HCN1: variants seen among roughly 807,000 people sequenced by gnomAD.
HCN1 encodes potassium/sodium hyperpolarization-activated cyclic nucleotide-gated channel 1.
A neutral mutation model predicts 78.9 loss-of-function variants in HCN1; 13 were observed. The ratio of observed to expected loss-of-function variants is 0.16; its 90% CI spans 0.11 to 0.26. The LOEUF (loss-of-function observed/expected upper bound fraction) is 0.26, where lower values mean the gene tolerates loss of function less well. Among genes scored for constraint, HCN1 ranks in the 10% least tolerant of loss-of-function variants. The pLI, the probability that HCN1 is intolerant of heterozygous loss-of-function variation, is 1.00. For missense variants in HCN1, 810 were observed against 1,154.3 expected (o/e 0.70, Z 4.32); for synonymous variants, 552 against 455.5 (o/e 1.21, Z -2.70).
At position 45,575,445 on chromosome 5, in the gene HCN1, G is replaced by A. The variant is rs551530001; in HGVS notation, c.849+69740C>T. 5 of 152,192 alleles carry A rather than the reference G, an allele frequency of 3.3e-5. No homozygotes were observed. The East Asian group carries it at 9.7e-4, about 29-fold the overall frequency. The allele number at this position is 152,192 out of a possible 1,614,324, so 9.4% of individuals were successfully genotyped here. ...GGGACTGTTGTGGTGGGGGCGGGGA[G>A]GGATAGCATTAGGAGATGTACCTAA... On this transcript the variant is annotated intron_variant, in intron 2 of 7. Transcript: ENST00000303230.
intron 3 of HCN1, 64 bp from the exon 4 acceptor site, chr5:45,396,774 G>T: frequency 8.5e-7 from 1 of 1,180,510 alleles, no homozygotes; most frequent in Non-Finnish European, 1.3e-6. Flanking sequence ...AAAGTGAGTA[G>T]GACCTGTACA....
chr5:45,359,259 G>A (rs1025668386), intron 4 of HCN1, among the ~76,000 whole-genome samples: 2 of 151,786 alleles, frequency 1.3e-5, no homozygotes, highest in African/African-American at 4.8e-5. Context: ...TATTAGAGGG[G>A]CAAATCACAT....
chr5:45,375,968 T>A (rs1269457321), intron 4 of HCN1, among the ~76,000 whole-genome samples: 3 of 118,614 alleles, frequency 2.5e-5, no homozygotes, highest in South Asian at 2.4e-4. Context: ...TGATAAAATA[T>A]TTTATCACAT....
intron 2 of HCN1, among the ~76,000 whole-genome samples, chr5:45,484,753 A>G (rs534927300): frequency 6.6e-6 from 1 of 152,308 alleles, no homozygotes; most frequent in African/African-American, 2.4e-5. Flanking sequence ...ATCCTAATTG[A>G]CACAGTGCTT....
intron 2 of HCN1, among the ~76,000 whole-genome samples, chr5:45,561,004 C>T (rs1743588414): frequency 6.6e-6 from 1 of 152,022 alleles, no homozygotes; most frequent in Admixed American, 6.6e-5. Flanking sequence ...GCAATTCAAA[C>T]ATTTTTGCAG....
intron 5 of HCN1, among the ~76,000 whole-genome samples, chr5:45,348,770 C>T (rs1746811219): frequency 6.6e-6 from 1 of 152,006 alleles, no homozygotes; most frequent in East Asian, 1.9e-4. Flanking sequence ...TCAAAAGAGA[C>T]AAAGAAGGCC....
At chr5:45,371,438 G>A (rs928340177) in intron 4 of HCN1, among the ~76,000 whole-genome samples, 2 of 151,914 alleles carry the variant, frequency 1.3e-5, no homozygotes, top group East Asian at 3.9e-4. Flanking sequence ...CAATGACAAA[G>A]GGGATATTAC....
chr5:45,401,472 T>C (rs571924919), intron 3 of HCN1, among the ~76,000 whole-genome samples: 1 of 152,256 alleles, frequency 6.6e-6, no homozygotes, highest in Admixed American at 6.5e-5. Flanking sequence ...ATATAATTAC[T>C]CATATAAATA....
chr5:45,498,452 C>A (rs910914754), intron 2 of HCN1, among the ~76,000 whole-genome samples: 1 of 152,124 alleles, frequency 6.6e-6, no homozygotes, highest in African/African-American at 2.4e-5. Flanking sequence ...CCTTTAAGCA[C>A]TTCTCTGTAT....
In HCN1 at chr5:45,363,141, T is replaced by C. The variant is rs1046479552; in HGVS notation, c.1231-9895A>G. ...TTATATATATAACATATTATATATA[T>C]ATACATATATATATATATATATATA... On this transcript the variant is annotated intron_variant, in intron 4 of 7. Coordinates refer to ENST00000303230, the MANE Select transcript of HCN1 (RefSeq NM_021072.4). Among the ~76,000 whole-genome samples the C allele has an allele frequency of 9.8e-4, 93 of 94,948 alleles. 1 individual carries two copies. The East Asian group carries it at 0.016, about 16-fold the overall frequency. The allele number at this position is 94,948 out of a possible 152,430, so 62.3% of individuals were successfully genotyped here. A position where few individuals can be genotyped will look rare whatever the true frequency, so the allele number is the denominator to read the frequency against.
chr5:45,519,218 C>T (rs1009779694), intron 2 of HCN1, among the ~76,000 whole-genome samples: 2 of 151,944 alleles, frequency 1.3e-5, no homozygotes, highest in Non-Finnish European at 2.9e-5. Context: ...TGAGTTTTCT[C>T]CTCCTAAGTA....
chr5:45,633,912 AC>A (rs1196396365), intron 2 of HCN1, among the ~76,000 whole-genome samples: 1 of 151,956 alleles, frequency 6.6e-6, no homozygotes, highest in Non-Finnish European at 1.5e-5. Flanking sequence ...TCATAAGCTT[AC>A]CTACTTTCAA....
At chr5:45,688,162 G>A (rs905460112) in intron 1 of HCN1, among the ~76,000 whole-genome samples, 5 of 152,072 alleles carry the variant, frequency 3.3e-5, no homozygotes, top group African/African-American at 9.7e-5. Context: ...CAATGTGTCT[G>A]TGCTTTTTCA....
chr5:45,565,296 C>T (rs1048302495), intron 2 of HCN1, among the ~76,000 whole-genome samples: 1 of 152,148 alleles, frequency 6.6e-6, no homozygotes, highest in Admixed American at 6.6e-5. Flanking sequence ...CATCATTAAG[C>T]TGCCATTATT....
At chr5:45,345,649 C>T (rs1174970351) in intron 5 of HCN1, among the ~76,000 whole-genome samples, 1 of 152,198 alleles carries the variant, frequency 6.6e-6, no homozygotes, top group Non-Finnish European at 1.5e-5. Flanking sequence ...CAGTTCCTAA[C>T]AAGATCCTCA....
Position 45,431,432 on chromosome 5 carries a change from G to A in HCN1, c.1011+30414C>T, listed in dbSNP as rs145216022. ...TCTTTTGCTGTGCAGAAACTCTTGA[G>A]CTTAATTAGGTTTCCGTTCTCAATT... On this transcript the variant is annotated intron_variant, in intron 3 of 7. Coordinates refer to ENST00000303230, the MANE Select transcript of HCN1 (RefSeq NM_021072.4). 1.2e-4 allele frequency among the ~76,000 whole-genome samples: 18 copies of A among 152,188 alleles called. No individual in the cohort carries two copies. In the East Asian group the frequency reaches 3.5e-3, roughly 29 times the overall value.
intron 1 of HCN1, among the ~76,000 whole-genome samples, chr5:45,680,625 T>C (rs1391465767): frequency 6.6e-6 from 1 of 152,134 alleles, no homozygotes; most frequent in Non-Finnish European, 1.5e-5. Context: ...AGAGTTTTGT[T>C]GGAAATACAA....
chr5:45,345,161 C>T (rs143073319), intron 5 of HCN1, among the ~76,000 whole-genome samples: 90 of 152,322 alleles, frequency 5.9e-4, no homozygotes, highest in African/African-American at 2.0e-3. Flanking sequence ...ACAGCCTGAG[C>T]TGTACCTTGG....
intron 4 of HCN1, among the ~76,000 whole-genome samples, chr5:45,373,239 T>C (rs1243018857): frequency 8.3e-6 from 1 of 121,032 alleles, no homozygotes; most frequent in Non-Finnish European, 1.6e-5. Context: ...TTTTACATTA[T>C]ATATAATATA....
Sources: allele counts gnomAD v4.1 joint callset (sites outside exome capture counted in the v4.1 genomes callset), GRCh38; gene constraint gnomAD v4.1.1; transcripts MANE v1.5; gene names NCBI Gene and HGNC (gene_info 2026-07-23, HGNC 2026-07-21).